The following CPEB4 variants were observed in gnomAD, a reference collection of about 807,000 sequenced individuals.
The protein encoded by CPEB4 is cytoplasmic polyadenylation element binding protein 4.
CPEB4 carries 12 observed loss-of-function variants against 72.5 expected under a neutral mutation model. The observed-to-expected ratio is 0.17, with a 90% CI of 0.11 to 0.27. The LOEUF is 0.27. Ranked by LOEUF, CPEB4 falls within the 10% of genes least tolerant of loss-of-function variation. The pLI, the probability that CPEB4 is intolerant of heterozygous loss-of-function variation, is 1.00. For missense variants in CPEB4, 614 were observed against 908.5 expected, an observed-to-expected ratio of 0.68 and a Z score of 4.17; for synonymous variants, 302 against 326.3, an observed-to-expected ratio of 0.93 and a Z score of 0.80.
At chr5:173,949,921 T>C (rs1394031310) in intron 6 of CPEB4, 39 bp from the exon 7 acceptor site, 1 of 1,390,336 alleles carries the variant, frequency 7.2e-7, no homozygotes, top group Admixed American at 1.9e-5. Context: ...TACCAAAAAA[T>C]AGGAAAACAT....
intron 1 of CPEB4, among the ~76,000 whole-genome samples, chr5:173,907,811 C>G (rs1030778004): frequency 1.3e-5 from 2 of 152,208 alleles, no homozygotes; most frequent in Non-Finnish European, 2.9e-5. Flanking sequence ...CCAGGAAGCT[C>G]CTGCCACCTC....
chr5:173,897,475 T>C (rs1235396976), intron 1 of CPEB4, among the ~76,000 whole-genome samples: 1 of 152,206 alleles, frequency 6.6e-6, no homozygotes, highest in African/African-American at 2.4e-5. Flanking sequence ...GCACCTACTA[T>C]GTTATGGACT....
chr5:173,903,711 G>T (rs775763214), intron 1 of CPEB4, among the ~76,000 whole-genome samples: 8 of 152,230 alleles, frequency 5.3e-5, no homozygotes, highest in Non-Finnish European at 1.0e-4. Flanking sequence ...TTTCCTGATA[G>T]GAACAGACCA....
chr5:173,911,685 T>TTG (rs1194111244), intron 2 of CPEB4, among the ~76,000 whole-genome samples: 1 of 150,136 alleles, frequency 6.7e-6, no homozygotes, highest in Non-Finnish European at 1.5e-5. Context: ...AAGCAGGTTT[T>TTG]TTTTTTTTTT....
At chr5:173,954,446 C>T (rs1193990414) in intron 9 of CPEB4, among the ~76,000 whole-genome samples, 2 of 152,154 alleles carry the variant, frequency 1.3e-5, no homozygotes, top group African/African-American at 4.8e-5. Flanking sequence ...AGTCTCAGCT[C>T]ACTCCAACCT....
chr5:173,945,895 G>C (rs192485857), intron 5 of CPEB4, among the ~76,000 whole-genome samples: 11 of 152,328 alleles, frequency 7.2e-5, no homozygotes, highest in African/African-American at 1.7e-4. Flanking sequence ...GGGTCTGAGT[G>C]ACCCCAATAA....
At position 173,958,876 on chromosome 5, in the gene CPEB4, A is replaced by G. The variant is rs1758459726; in HGVS notation, c.*2739A>G. The G allele has an allele frequency of 6.5e-6, 1 of 152,746 alleles. No homozygotes were observed. Among genetic ancestry groups the G allele is most frequent in the Non-Finnish European group, 1.5e-5 (1 of 68,032 alleles). 9.5% of individuals were successfully genotyped at this position (152,746 alleles called of 1,614,324 possible). ...AGAGATGTCTGCTCTTTTAAATTAT[A>G]TATAAGGAAAAAAAATAGCCTGCCT... On this transcript the variant is annotated 3_prime_UTR_variant, in exon 10 of 10. Transcript: ENST00000265085.
At chr5:173,891,406 C>G (rs1159862142) in intron 1 of CPEB4, 1 of 152,144 alleles carries the variant, frequency 6.6e-6, no homozygotes, top group Admixed American at 6.5e-5. Flanking sequence ...CTTGGCAATT[C>G]CTCTTAAACC....
chr5:173,894,525 G>A (rs1453366732), intron 1 of CPEB4, among the ~76,000 whole-genome samples: 1 of 151,198 alleles, frequency 6.6e-6, no homozygotes, highest in Non-Finnish European at 1.5e-5. Context: ...AGAGGCTGAG[G>A]CAGGAGAATC....
At chr5:173,899,114 C>T (rs1756131352) in intron 1 of CPEB4, among the ~76,000 whole-genome samples, 1 of 152,130 alleles carries the variant, frequency 6.6e-6, no homozygotes. Flanking sequence ...TGGTAAAGCA[C>T]CCCCTGACCC....
chr5:173,888,426 G>A lies in CPEB4; in HGVS notation c.-1308G>A, dbSNP rs1468047090. ...ACCGGGAGGCGGTGGCGGCGGCGGC[G>A]GCGGCAGCAGCGGCGACAGCAGAGG... On this transcript the variant is annotated 5_prime_UTR_variant, in exon 1 of 10. Transcript: ENST00000265085. The surrounding 1 kb of genome is among the most constrained non-coding windows in gnomAD (Gnocchi z 4.3). 6.5e-6 allele frequency: 3 copies of A among 460,142 alleles called. No homozygotes were observed. Among genetic ancestry groups the A allele is most frequent in the Non-Finnish European group, 1.1e-5 (3 of 266,582 alleles). 28.5% of individuals were successfully genotyped at this position (460,142 alleles called of 1,614,324 possible). A position where few individuals can be genotyped will look rare whatever the true frequency, so the allele number is the denominator to read the frequency against.
chr5:173,920,389 A>C (rs1337290603), intron 2 of CPEB4, among the ~76,000 whole-genome samples: 3 of 152,242 alleles, frequency 2.0e-5, no homozygotes, highest in Non-Finnish European at 4.4e-5. Flanking sequence ...TGATTAATTG[A>C]AATATAAATA....
chr5:173,911,367 AT>A (rs1196206272), intron 2 of CPEB4, among the ~76,000 whole-genome samples: 1 of 150,466 alleles, frequency 6.6e-6, no homozygotes, highest in African/African-American at 2.4e-5. Context: ...GGCTCACGCC[AT>A]TCTCCTGCCT....
intron 3 of CPEB4, 86 bp downstream of exon 3, chr5:173,932,586 GT>G (rs1757485979): frequency 2.1e-6 from 2 of 974,466 alleles, no homozygotes; most frequent in Non-Finnish European, 3.2e-6. Flanking sequence ...ACATTAGTTT[GT>G]TCTGTAATGA....
chr5:173,898,946 G>A (rs990680723), intron 1 of CPEB4, among the ~76,000 whole-genome samples: 6 of 152,196 alleles, frequency 3.9e-5, no homozygotes, highest in East Asian at 3.8e-4. Flanking sequence ...GATTATAGGC[G>A]TGAGCCACCG....
chr5:173,938,488 A>T (rs948338025), intron 3 of CPEB4, among the ~76,000 whole-genome samples: 1 of 151,752 alleles, frequency 6.6e-6, no homozygotes, highest in Non-Finnish European at 1.5e-5. Flanking sequence ...AACCTCCCAA[A>T]GTGCTGGGGT....
In CPEB4 at chr5:173,956,531, A is replaced by G. The variant is rs2113311330; in HGVS notation, c.*394A>G. 6.4e-6 allele frequency: 1 copy of G among 156,448 alleles called. No homozygotes were observed. Among genetic ancestry groups the G allele is most frequent in the Non-Finnish European group, 1.4e-5 (1 of 71,186 alleles). The allele number at this position is 156,448 out of a possible 1,614,324, so 9.7% of individuals were successfully genotyped here. On this transcript the variant is annotated 3_prime_UTR_variant, in exon 10 of 10. Transcript: ENST00000265085. ...ATATAAGAATACTTTTATTAAAATA[A>G]CCATGCAACAATAACACTATCGGTC...
chr5:173,938,996 A>T lies in CPEB4; in HGVS notation c.1259-4030A>T, dbSNP rs1228133194. ...GTTCTTGTGGTTGTTTCTAGAAAAA[A>T]GTATTTCATGGCCAGGCGCAATGGC... On this transcript the variant is annotated intron_variant, in intron 3 of 9. Transcript: ENST00000265085. 2.0e-5 allele frequency among the ~76,000 whole-genome samples: 3 copies of T among 152,172 alleles called. No individual in the cohort carries two copies. In the East Asian group the frequency reaches 5.8e-4, roughly 29 times the overall value.
chr5:173,909,574 T>C (rs1410301646), intron 1 of CPEB4, among the ~76,000 whole-genome samples: 1 of 152,190 alleles, frequency 6.6e-6, no homozygotes, highest in Non-Finnish European at 1.5e-5. Flanking sequence ...GAGATTTTTT[T>C]TCAACTTTCT....
Sources: allele counts gnomAD v4.1 joint callset (sites outside exome capture counted in the v4.1 genomes callset), GRCh38; gene constraint gnomAD v4.1.1; non-coding constraint Gnocchi (gnomAD v3.1); transcripts MANE v1.5; gene names NCBI Gene and HGNC (gene_info 2026-07-23, HGNC 2026-07-21).